Variants in DIAPH1 observed in about 807,000 individuals in gnomAD.
The protein encoded by DIAPH1 is protein diaphanous homolog 1.
In DIAPH1, 46 loss-of-function variants were observed where a neutral mutation model predicts 140.7. The observed-to-expected ratio is 0.33, with a 90% CI of 0.26 to 0.42. The LOEUF is 0.42. Among genes scored for constraint, DIAPH1 ranks in the 10% least tolerant of loss-of-function variants. The pLI is 1.00. For synonymous variants in DIAPH1, 565 were observed against 551.6 expected, an observed-to-expected ratio of 1.02 and a Z score of -0.34; for missense variants, 1,310 against 1,558.7, an observed-to-expected ratio of 0.84 and a Z score of 2.69.
At chr5:141,616,141 T>TA (rs1472763544) in intron 1 of DIAPH1, among the ~76,000 whole-genome samples, 1 of 152,220 alleles carries the variant, frequency 6.6e-6, no homozygotes, top group African/African-American at 2.4e-5. Flanking sequence ...TCAGCACGTC[T>TA]AACAATCATG....
chr5:141,584,044 A>C, intron 4 of DIAPH1, 80 bp downstream of exon 4: 1 of 805,490 alleles, frequency 1.2e-6, no homozygotes, highest in South Asian at 1.5e-5. Context: ...ATAAAATGTT[A>C]CATAAAATTG....
Position 141,524,403 on chromosome 5 carries a change from TG to T in DIAPH1, c.3575-175del, listed in dbSNP as rs1263411379. ...TAAGTCTCACACGCTCATGTTTACT[TG>T]TATCTGCTAAAAAATGGTTAAAACA... On this transcript the variant is annotated intron_variant, in intron 26 of 27. Transcript: ENST00000389054. The T allele has an allele frequency of 5.9e-6, 4 of 676,270 alleles. No individual in the cohort carries two copies. In the Admixed American group the frequency reaches 8.6e-5, roughly 15 times the overall value. 41.9% of individuals were successfully genotyped at this position (676,270 alleles called of 1,614,324 possible).
intron 18 of DIAPH1, chr5:141,563,737 C>T (rs1446995217): frequency 6.6e-6 from 1 of 152,196 alleles, no homozygotes; most frequent in Non-Finnish European, 1.5e-5. Context: ...AATACAGGCA[C>T]ACACTAAAGC....
At chr5:141,592,011 G>A (rs1435147231) in intron 1 of DIAPH1, among the ~76,000 whole-genome samples, 1 of 150,316 alleles carries the variant, frequency 6.7e-6, no homozygotes, top group Non-Finnish European at 1.5e-5. Flanking sequence ...GAACCCGGGA[G>A]GCGGAGGTTG....
intron 27 of DIAPH1, among the ~76,000 whole-genome samples, chr5:141,520,183 T>A (rs2099886298): frequency 6.6e-6 from 1 of 152,256 alleles, no homozygotes; most frequent in South Asian, 2.1e-4. Context: ...GCAATCATCA[T>A]CACACTAAAT....
At chr5:141,557,528 T>C (rs554529766) in intron 18 of DIAPH1, among the ~76,000 whole-genome samples, 1 of 152,244 alleles carries the variant, frequency 6.6e-6, no homozygotes, top group Non-Finnish European at 1.5e-5. Context: ...CATTTGATTC[T>C]TCCCAGACAG....
chr5:141,530,980 C>T (rs2099888133), intron 19 of DIAPH1, among the ~76,000 whole-genome samples: 1 of 152,148 alleles, frequency 6.6e-6, no homozygotes, highest in African/African-American at 2.4e-5. Context: ...TTAAATCTTA[C>T]TCAATGTTCC....
chr5:141,596,527 T>G (rs963766812), intron 1 of DIAPH1, among the ~76,000 whole-genome samples: 1 of 152,026 alleles, frequency 6.6e-6, no homozygotes, highest in Non-Finnish European at 1.5e-5. Context: ...GCGTCTCAGT[T>G]GAGATGTCTG....
chr5:141,552,789 GA>G (rs1258737306), intron 18 of DIAPH1, among the ~76,000 whole-genome samples: 2 of 152,158 alleles, frequency 1.3e-5, no homozygotes, highest in Non-Finnish European at 2.9e-5. Flanking sequence ...GCACACAGAA[GA>G]AAAGACCACA....
intron 27 of DIAPH1, 135 bp from the exon 28 acceptor site, chr5:141,517,143 G>T: frequency 1.1e-6 from 1 of 921,292 alleles, no homozygotes. Flanking sequence ...TTACTTTGAA[G>T]AAAGGGGCAG....
chr5:141,598,189 T>A (rs1222330034), intron 1 of DIAPH1, among the ~76,000 whole-genome samples: 1 of 151,776 alleles, frequency 6.6e-6, no homozygotes, highest in Non-Finnish European at 1.5e-5. Context: ...TTTATACACA[T>A]GTTAGATTTT....
chr5:141,584,247 G>C (rs1296683934), intron 3 of DIAPH1, 22 bp from the exon 4 acceptor site: 1 of 1,467,122 alleles, frequency 6.8e-7, no homozygotes, highest in South Asian at 1.1e-5. Flanking sequence ...AGAAAAAAGA[G>C]AAAAAACAAA....
chr5:141,597,235 G>A lies in DIAPH1; in HGVS notation c.118-8985C>T, dbSNP rs6882250. On this transcript the variant is annotated intron_variant, in intron 1 of 27. Transcript: ENST00000389054. Reference sequence around the variant, plus strand: ...TATAATGGTGAAATTTCAAAACACCGGAATACAAAGAAAATCCTACAAAAT... The same window carrying A: ...TATAATGGTGAAATTTCAAAACACCAGAATACAAAGAAAATCCTACAAAAT... Among the ~76,000 whole-genome samples, 1,485 of 152,102 alleles carry A rather than the reference G, an allele frequency of 9.8e-3. 24 individuals carry two copies. The highest frequency in any genetic ancestry group is 0.034 in the African/African-American group (1,421 of 41,466).
chr5:141,575,459 TC>T (rs1260746498), intron 14 of DIAPH1, among the ~76,000 whole-genome samples: 5 of 152,116 alleles, frequency 3.3e-5, no homozygotes, highest in Admixed American at 6.5e-5. Flanking sequence ...GACCAACCTG[TC>T]CAACATGGTG....
chr5:141,594,424 C>T (rs541371090), intron 1 of DIAPH1, among the ~76,000 whole-genome samples: 1 of 152,200 alleles, frequency 6.6e-6, no homozygotes, highest in African/African-American at 2.4e-5. Flanking sequence ...GGGCATACTG[C>T]TAAAAGAAAG....
chr5:141,583,644 T>C lies in DIAPH1; in HGVS notation c.403-29A>G, dbSNP rs1312290777. 2.5e-6 allele frequency: 4 copies of C among 1,614,020 alleles called. No homozygotes were observed. In the South Asian group the frequency reaches 3.3e-5, roughly 13 times the overall value. On this transcript the variant is annotated intron_variant, in intron 4 of 27. Coordinates refer to ENST00000389054, the MANE Select transcript of DIAPH1 (RefSeq NM_005219.5). ...GACAGAAGGCATAGACAGAGATTAG[T>C]AATGGTGGACCCAGTCATAAATTAA...
At chr5:141,524,294 C>T in intron 26 of DIAPH1, 65 bp from the exon 27 acceptor site, 1 of 1,482,278 alleles carries the variant, frequency 6.7e-7, no homozygotes, top group African/African-American at 1.4e-5. Context: ...AATATCAAGC[C>T]CCACACAAAA....
chr5:141,529,724 T>C (rs746521625), intron 19 of DIAPH1, 27 bp from the exon 20 acceptor site: 3 of 1,593,974 alleles, frequency 1.9e-6, no homozygotes, highest in Non-Finnish European at 2.6e-6. Context: ...TATTAAGACA[T>C]GTTCTTCTCG....
chr5:141,567,981 T>G (rs1459507127), intron 18 of DIAPH1, among the ~76,000 whole-genome samples: 1 of 152,248 alleles, frequency 6.6e-6, no homozygotes, highest in Non-Finnish European at 1.5e-5. Context: ...CATTAAATAT[T>G]TGGAGAACTG....
Sources: allele counts gnomAD v4.1 joint callset (sites outside exome capture counted in the v4.1 genomes callset), GRCh38; gene constraint gnomAD v4.1.1; transcripts MANE v1.5; gene names NCBI Gene and HGNC (gene_info 2026-07-23, HGNC 2026-07-21).